EPHB1: variants seen among roughly 807,000 people sequenced by gnomAD.
EPHB1 encodes ephrin type-B receptor 1.
A neutral mutation model predicts 94.4 loss-of-function variants in EPHB1; 30 were observed. The observed-to-expected ratio is 0.32, with a 90% confidence interval of 0.24 to 0.43. The LOEUF (loss-of-function observed/expected upper bound fraction) is 0.43. Among genes scored for constraint, EPHB1 ranks in the 20% least tolerant of loss-of-function variants. EPHB1 has a pLI of 1.00. For synonymous variants in EPHB1, 522 were observed against 489.1 expected (o/e 1.07, Z -0.89); for missense variants, 1,055 against 1,308.3 (o/e 0.81, Z 2.99).
At chr3:134,967,935 A>AAC (rs1933825666) in intron 3 of EPHB1, among the ~76,000 whole-genome samples, 1 of 152,218 alleles carries the variant, frequency 6.6e-6, no homozygotes. Flanking sequence ...ACCTGTCTCT[A>AAC]ACACACAGGT....
At chr3:135,233,803 A>C (rs951877368) in intron 12 of EPHB1, among the ~76,000 whole-genome samples, 3 of 152,174 alleles carry the variant, frequency 2.0e-5, no homozygotes, top group East Asian at 1.9e-4. Flanking sequence ...CCGCACACTC[A>C]CAGGACCAAC....
rs577491014 is a variant in EPHB1 at position 135,109,524 on chromosome 3, G to A, written c.961+2921G>A. ...TACATCCCTGGAAAGTGTGAAGATT[G>A]CAGCAGATATTGAAGCTTCCAGCAT... On this transcript the variant is annotated intron_variant, in intron 4 of 15. Coordinates refer to ENST00000398015, the MANE Select transcript of EPHB1 (RefSeq NM_004441.5). Among the ~76,000 whole-genome samples the A allele has an allele frequency of 1.1e-4, 16 of 152,324 alleles. No individual in the cohort carries two copies. In the South Asian group the frequency reaches 2.3e-3, roughly 22 times the overall value.
chr3:134,960,423 G>A (rs1047525537), intron 3 of EPHB1, among the ~76,000 whole-genome samples: 1 of 152,218 alleles, frequency 6.6e-6, no homozygotes, highest in African/African-American at 2.4e-5. Flanking sequence ...TACCTGGCAA[G>A]GCAGTTGAGC....
chr3:134,902,516 A>G (rs1168184384), intron 1 of EPHB1, among the ~76,000 whole-genome samples: 1 of 152,244 alleles, frequency 6.6e-6, no homozygotes, highest in African/African-American at 2.4e-5. Flanking sequence ...AATAAAAGGA[A>G]ATTATTTAAA....
rs188176055 is a variant in EPHB1 at position 134,903,203 on chromosome 3, C to T, written c.59-22613C>T. ...CTCCACTTGGAGCTCTGGGTGGCTC[C>T]GTGCCAAGCTGGGGACAACAAAGAG... On this transcript the variant is annotated intron_variant, in intron 1 of 15. Transcript: ENST00000398015. Among the ~76,000 whole-genome samples the T allele has an allele frequency of 5.9e-5, 9 of 152,300 alleles. No homozygotes were observed. In the East Asian group the frequency reaches 9.6e-4, roughly 16 times the overall value.
intron 13 of EPHB1, among the ~76,000 whole-genome samples, chr3:135,247,325 G>T (rs781291833): frequency 3.9e-5 from 6 of 152,132 alleles, no homozygotes; most frequent in Non-Finnish European, 8.8e-5. Flanking sequence ...TATGCAGCCA[G>T]CTCTTTTACC....
At chr3:135,032,077 A>G (rs1936490822) in intron 3 of EPHB1, among the ~76,000 whole-genome samples, 1 of 151,922 alleles carries the variant, frequency 6.6e-6, no homozygotes, top group South Asian at 2.1e-4. Flanking sequence ...TTCTTTTTCT[A>G]ATACTCATTG....
intron 12 of EPHB1, among the ~76,000 whole-genome samples, chr3:135,230,512 AAAC>A (rs1943508986): frequency 6.6e-6 from 1 of 152,202 alleles, no homozygotes; most frequent in African/African-American, 2.4e-5. Flanking sequence ...TTCAGGGACT[AAAC>A]AAGGAGAGAA....
chr3:135,086,789 T>A (rs895728049), intron 3 of EPHB1, among the ~76,000 whole-genome samples: 1 of 152,154 alleles, frequency 6.6e-6, no homozygotes, highest in African/African-American at 2.4e-5. Context: ...CACTGAGTTT[T>A]GTATTCTTTG....
rs139319888 is a variant in EPHB1, at chr3:135,213,256, C to T, written c.2346+11567C>T. Among the ~76,000 whole-genome samples, 692 of 152,266 alleles carry T rather than the reference C, an allele frequency of 4.5e-3. 10 individuals carry two copies. The highest frequency in any genetic ancestry group is 0.016 in the African/African-American group (658 of 41,558). On this transcript the variant is annotated intron_variant, in intron 12 of 15. Coordinates refer to ENST00000398015, the MANE Select transcript of EPHB1 (RefSeq NM_004441.5). ...TGAACAGATCGAATTTTCTCCTTTG[C>T]GCTTTCTTATGATTGGAATAAATCC...
chr3:134,961,333 C>T (rs1390926136), intron 3 of EPHB1, among the ~76,000 whole-genome samples: 3 of 152,112 alleles, frequency 2.0e-5, no homozygotes, highest in African/African-American at 2.4e-5. Context: ...CCCCATGACC[C>T]CACTTTGCTC....
chr3:135,080,279 G>C (rs1938118153), intron 3 of EPHB1, among the ~76,000 whole-genome samples: 1 of 152,184 alleles, frequency 6.6e-6, no homozygotes, highest in African/African-American at 2.4e-5. Context: ...TCACAGAGGA[G>C]GTAGAGTGTG....
chr3:135,152,485 G>A (rs552086540), intron 5 of EPHB1, among the ~76,000 whole-genome samples: 2 of 152,212 alleles, frequency 1.3e-5, no homozygotes, highest in South Asian at 4.2e-4. Context: ...CACAAAGATG[G>A]GATTAGATGT....
intron 3 of EPHB1, among the ~76,000 whole-genome samples, chr3:135,081,314 A>G (rs1045266071): frequency 6.6e-6 from 1 of 152,192 alleles, no homozygotes; most frequent in Non-Finnish European, 1.5e-5. Context: ...AACCATATGT[A>G]TGGAGGGTGG....
At chr3:134,986,537 T>C (rs569163131) in intron 3 of EPHB1, among the ~76,000 whole-genome samples, 1 of 152,258 alleles carries the variant, frequency 6.6e-6, no homozygotes, top group African/African-American at 2.4e-5. Context: ...TGGAAATACC[T>C]AAGTGATGTC....
chr3:135,162,027 G>T lies in EPHB1; in HGVS notation c.1432G>T (p.Glu478Ter). Residue 478 changes from glutamate to a stop codon, truncating the protein, a stop_gained, in exon 7 of 16, where the codon GAG (glutamate) becomes TAG (stop). Transcript: ENST00000398015. LOFTEE classifies it high-confidence loss of function. The part of the protein sequence containing the change: ...EIRYYEKEHN[E>*]FNSSMARSQT... ...CCTTGCTTTCTTTTAGGAACACAAT[G>T]AGTTCAACTCCTCCATGGCCAGGAG... 6.2e-7 allele frequency: 1 copy of T among 1,609,436 alleles called. No individual in the cohort carries two copies. The highest frequency in any genetic ancestry group is 8.5e-7 in the Non-Finnish European group (1 of 1,177,952).
At chr3:135,050,282 G>A (rs1937132183) in intron 3 of EPHB1, among the ~76,000 whole-genome samples, 2 of 152,164 alleles carry the variant, frequency 1.3e-5, no homozygotes, top group African/African-American at 4.8e-5. Flanking sequence ...TCTTGAAAAT[G>A]TAATGACCAC....
At chr3:135,005,826 G>A (rs994087085) in intron 3 of EPHB1, among the ~76,000 whole-genome samples, 17 of 152,246 alleles carry the variant, frequency 1.1e-4, no homozygotes, top group African/African-American at 2.9e-4. Flanking sequence ...CTCGCGCACG[G>A]TGCACGCACC....
chr3:134,798,625 T>C (rs1345459233), intron 1 of EPHB1, among the ~76,000 whole-genome samples: 1 of 152,172 alleles, frequency 6.6e-6, no homozygotes, highest in Non-Finnish European at 1.5e-5. Context: ...TCCTCCTGCC[T>C]TCTGGACACA....
Sources: gnomAD v4.1 joint callset for allele counts (sites outside exome capture counted in the v4.1 genomes callset) on GRCh38, gnomAD v4.1.1 for gene constraint, MANE v1.5 for transcripts, NCBI Gene and HGNC (gene_info 2026-07-23, HGNC 2026-07-21) for gene names.